Variants in NLGN1 observed in about 807,000 individuals in gnomAD.
The protein encoded by NLGN1 is neuroligin 1.
A neutral mutation model predicts 65.5 loss-of-function variants in NLGN1; 12 were observed. That is an observed-to-expected ratio of 0.18 (90% CI 0.12 to 0.30). NLGN1 has a LOEUF of 0.30. Among genes scored for constraint, NLGN1 ranks in the 10% least tolerant of loss-of-function variants. NLGN1 has a pLI of 1.00. For missense variants in NLGN1, 750 were observed against 1,007.1 expected, an observed-to-expected ratio of 0.74 and a Z score of 3.46; for synonymous variants, 350 against 359.5, an observed-to-expected ratio of 0.97 and a Z score of 0.30.
At chr3:173,649,950 A>G (rs1253495492) in intron 3 of NLGN1, among the ~76,000 whole-genome samples, 1 of 152,098 alleles carries the variant, frequency 6.6e-6, no homozygotes, top group African/African-American at 2.4e-5. Context: ...CTTTTCACTT[A>G]CCATTTCCAT....
At chr3:173,598,372 C>T (rs1286373705) in intron 2 of NLGN1, among the ~76,000 whole-genome samples, 1 of 152,130 alleles carries the variant, frequency 6.6e-6, no homozygotes, top group Non-Finnish European at 1.5e-5. Flanking sequence ...ATTGCTTTCT[C>T]TTTTTGTTTT....
chr3:174,172,602 C>T (rs1434833031), intron 4 of NLGN1, among the ~76,000 whole-genome samples: 2 of 152,032 alleles, frequency 1.3e-5, no homozygotes, highest in African/African-American at 4.8e-5. Flanking sequence ...GTTCTTGGCA[C>T]CGCTGGCAAA....
At chr3:173,539,809 TATATAC>T (rs1738461679) in intron 2 of NLGN1, among the ~76,000 whole-genome samples, 1 of 142,516 alleles carries the variant, frequency 7.0e-6, no homozygotes, top group African/African-American at 2.6e-5. Flanking sequence ...TATATATACA[TATATAC>T]ATATGTTATA....
intron 4 of NLGN1, among the ~76,000 whole-genome samples, chr3:174,002,214 G>A (rs1266285204): frequency 3.3e-5 from 5 of 152,028 alleles, no homozygotes; most frequent in Admixed American, 1.3e-4. Flanking sequence ...TGCAGCCTCC[G>A]CCTCCTCGGT....
At chr3:173,882,924 T>G (rs189355546) in intron 4 of NLGN1, among the ~76,000 whole-genome samples, 3 of 151,256 alleles carry the variant, frequency 2.0e-5, no homozygotes, top group Admixed American at 1.3e-4. Flanking sequence ...GTGAGACATG[T>G]GTGACTCTTC....
intron 4 of NLGN1, among the ~76,000 whole-genome samples, chr3:173,831,268 A>G (rs1030856732): frequency 5.3e-5 from 8 of 152,206 alleles, no homozygotes; most frequent in Admixed American, 2.0e-4. Flanking sequence ...GTATCATATT[A>G]CCTACCTGCA....
At chr3:174,087,004 G>A (rs1178986476) in intron 4 of NLGN1, among the ~76,000 whole-genome samples, 2 of 151,994 alleles carry the variant, frequency 1.3e-5, no homozygotes. Flanking sequence ...ATTATCCTTC[G>A]CAAACTAATA....
Position 173,702,992 on chromosome 3 carries a change from C to T in NLGN1, c.493+97901C>T, listed in dbSNP as rs977930480. On this transcript the variant is annotated intron_variant, in intron 3 of 6. Coordinates refer to ENST00000457714, the Ensembl canonical transcript of NLGN1. ...CAACAGAAAATGAGATCTTCCCTAG[C>T]CATCCCATGCTAATGGCAAAGATAG... 3.3e-5 allele frequency among the ~76,000 whole-genome samples: 5 copies of T among 152,042 alleles called. No individual in the cohort carries two copies. The East Asian group carries it at 9.6e-4, about 29-fold the overall frequency.
chr3:173,824,635 T>C (rs1477249160), intron 4 of NLGN1, among the ~76,000 whole-genome samples: 2 of 152,230 alleles, frequency 1.3e-5, no homozygotes, highest in Middle Eastern at 3.4e-3. Flanking sequence ...AAAGGGTATG[T>C]ATATTTTAAA....
At chr3:173,567,580 A>T (rs1285617559) in intron 2 of NLGN1, among the ~76,000 whole-genome samples, 1 of 151,524 alleles carries the variant, frequency 6.6e-6, no homozygotes, top group Non-Finnish European at 1.5e-5. Context: ...TCTTCACTTA[A>T]ATCGTATGCT....
chr3:174,127,580 A>C (rs1449483205), intron 4 of NLGN1, among the ~76,000 whole-genome samples: 1 of 151,914 alleles, frequency 6.6e-6, no homozygotes, highest in East Asian at 1.9e-4. Context: ...TACTACCTTC[A>C]CCTGAAATGT....
chr3:174,217,273 A>G lies in NLGN1; in HGVS notation c.647-58042A>G, dbSNP rs551497501. ...CATTGTCATGCTACATTTATTGCCC[A>G]TTCTAATCCAGTCTGATCTCATGTT... On this transcript the variant is annotated intron_variant, in intron 4 of 6. Coordinates refer to ENST00000457714, the Ensembl canonical transcript of NLGN1. Among the ~76,000 whole-genome samples the G allele has an allele frequency of 7.2e-5, 11 of 152,222 alleles. No homozygotes were observed. The South Asian group carries it at 1.2e-3, about 17-fold the overall frequency.
At position 174,024,362 on chromosome 3, in the gene NLGN1, G is replaced by A. The variant is rs1260459242; in HGVS notation, c.646+216530G>A. Among the ~76,000 whole-genome samples, 3 of 152,194 alleles carry A rather than the reference G, an allele frequency of 2.0e-5. No individual in the cohort carries two copies. In the South Asian group the frequency reaches 6.2e-4, roughly 32 times the overall value. ...AGCGTTAGCATGCCAAATGAGTAAT[G>A]CGGCCATGAGAACAATAGGAGTGCA... is the stretch of plus-strand genomic sequence containing the variant. On this transcript the variant is annotated intron_variant, in intron 4 of 6. Transcript: ENST00000457714.
chr3:173,614,325 A>C (rs1752733745), intron 3 of NLGN1, among the ~76,000 whole-genome samples: 1 of 152,070 alleles, frequency 6.6e-6, no homozygotes, highest in African/African-American at 2.4e-5. Flanking sequence ...GTAAAGGAAG[A>C]GGGATCCCTG....
At chr3:174,013,587 G>C (rs1205886881) in intron 4 of NLGN1, among the ~76,000 whole-genome samples, 1 of 152,204 alleles carries the variant, frequency 6.6e-6, no homozygotes, top group African/African-American at 2.4e-5. Context: ...TGTAATTCCA[G>C]ACTAGTCAAC....
At chr3:173,730,328 C>CCCA (rs1553822097) in intron 3 of NLGN1, among the ~76,000 whole-genome samples, 1 of 137,476 alleles carries the variant, frequency 7.3e-6, no homozygotes, top group Non-Finnish European at 1.6e-5. Context: ...CCGCTCCCCC[C>CCCA]CCCCCGCAAA....
At chr3:173,920,454 A>T (rs1560633420) in intron 4 of NLGN1, 1 of 152,210 alleles carries the variant, frequency 6.6e-6, no homozygotes, top group East Asian at 1.9e-4. Flanking sequence ...TCTGGCACAA[A>T]GTTTACTCAA....
Position 174,255,435 on chromosome 3 carries a change from C to CAAAAAAAAAAAAAAAAAAAAAAA in NLGN1, c.647-19859_647-19858insAAAAAAAAAAAAAAAAAAAAAAA, listed in dbSNP as rs71162383. 2.7e-4 allele frequency among the ~76,000 whole-genome samples: 19 copies of CAAAAAAAAAAAAAAAAAAAAAAA among 70,228 alleles called. 1 individual carries two copies. Among genetic ancestry groups the CAAAAAAAAAAAAAAAAAAAAAAA allele is most frequent in the African/African-American group, 8.5e-4 (11 of 12,946 alleles). 46.1% of individuals were successfully genotyped at this position (70,228 alleles called of 152,430 possible). On this transcript the variant is annotated intron_variant, in intron 4 of 6. Transcript: ENST00000457714. The stretch of plus-strand genomic sequence containing the variant: ...TAGGCGATAGAGCAAGACTCTGTCT[C>CAAAAAAAAAAAAAAAAAAAAAAA]AAAAAAAAAAAAAAAAAAAAAGCGC...
At chr3:173,665,209 GTT>G (rs148134628) in intron 3 of NLGN1, among the ~76,000 whole-genome samples, 2,249 of 152,170 alleles carry the variant, frequency 0.015, 68 homozygotes, top group African/African-American at 0.052. Flanking sequence ...TGTGAGTGTG[GTT>G]CCTCCAAGTT....
Sources: gnomAD v4.1 joint callset for allele counts (sites outside exome capture counted in the v4.1 genomes callset) on GRCh38, gnomAD v4.1.1 for gene constraint, MANE v1.5 for transcripts, NCBI Gene and HGNC (gene_info 2026-07-23, HGNC 2026-07-21) for gene names.